The following SUN1 variants were observed in gnomAD, a reference collection of about 807,000 sequenced individuals.
SUN1 encodes SUN domain-containing protein 1.
In SUN1, 61 loss-of-function variants were observed where a neutral mutation model predicts 103.2. The ratio of observed to expected loss-of-function variants is 0.59; its 90% CI spans 0.48 to 0.73. The LOEUF (loss-of-function observed/expected upper bound fraction) is 0.73, where lower values mean the gene tolerates loss of function less well. Ranked by LOEUF, SUN1 falls within the 30% of genes least tolerant of loss-of-function variation. The pLI is 0.00. For synonymous variants in SUN1, 490 were observed against 425.7 expected, an observed-to-expected ratio of 1.15 and a Z score of -1.86; for missense variants, 1,052 against 1,034.6, an observed-to-expected ratio of 1.02 and a Z score of -0.23.
At chr7:872,247 C>T (rs761656803) in intron 17 of SUN1, among the ~76,000 whole-genome samples, 1 of 152,102 alleles carries the variant, frequency 6.6e-6, no homozygotes, top group Non-Finnish European at 1.5e-5. Context: ...AACGGGGAAT[C>T]GTGCTGACCT....
rs918223791 is a variant in SUN1, at chr7:817,901, C to G, written c.-74+1228C>G. 1.2e-3 allele frequency among the ~76,000 whole-genome samples: 187 copies of G among 152,026 alleles called. 2 individuals are homozygous for G. The highest frequency in any genetic ancestry group is 4.5e-3 in the African/African-American group (186 of 41,390). Reference sequence around the variant, plus strand: ...CTGGCTTTATAATTTTCTTGTCTTTCTCCCATTTAATGTTTGTTCTACTTT... The same window carrying G: ...CTGGCTTTATAATTTTCTTGTCTTTGTCCCATTTAATGTTTGTTCTACTTT... On this transcript the variant is annotated intron_variant, in intron 1 of 17. Transcript: ENST00000389574.
rs190213717 is a variant in SUN1, at chr7:854,955, G to A, written c.1299G>A (p.Val433=). ...TGGCCTTTCACCAAGAACATGAAGT[G>A]CGTATGTCACACTTGGAAGATATTC... is the stretch of plus-strand genomic sequence containing the variant. ...DFMAFHQEHE[V]RMSHLEDILG... The change falls in exon 11 of 19, where the codon GTG becomes GTA. Residue 433 remains valine (V), a synonymous_variant. Transcript: ENST00000401592. The A allele has an allele frequency of 6.2e-7, 1 of 1,613,890 alleles. No homozygotes were observed. The highest frequency in any genetic ancestry group is 1.3e-5 in the African/African-American group (1 of 75,000).
At chr7:823,062 G>A (rs1489115552) in intron 1 of SUN1, among the ~76,000 whole-genome samples, 1 of 152,284 alleles carries the variant, frequency 6.6e-6, no homozygotes, top group African/African-American at 2.4e-5. Flanking sequence ...GCGTAGTCAG[G>A]TAAGGAGTAG....
chr7:842,402 A>G, intron 3 of SUN1: 1 of 456,158 alleles, frequency 2.2e-6, no homozygotes. Context: ...GCTAACGTGT[A>G]GTGACTAGTT....
intron 1 of SUN1, among the ~76,000 whole-genome samples, chr7:825,863 C>A (rs777188947): frequency 6.7e-6 from 1 of 150,104 alleles, no homozygotes; most frequent in Non-Finnish European, 1.5e-5. Context: ...ATATGAAGAT[C>A]TAAGGACGAT....
At chr7:821,086 C>A (rs1583751779) in intron 1 of SUN1, among the ~76,000 whole-genome samples, 1 of 150,620 alleles carries the variant, frequency 6.6e-6, no homozygotes, top group East Asian at 1.9e-4. Flanking sequence ...ATGAAATATG[C>A]CTTTAAAAAA....
At chr7:819,698 C>T (rs1784171298) in intron 1 of SUN1, among the ~76,000 whole-genome samples, 1 of 149,010 alleles carries the variant, frequency 6.7e-6, no homozygotes. Flanking sequence ...TGTTTTTATG[C>T]CAATGCCACC....
chr7:861,535 T>G (rs1337744768), intron 15 of SUN1, 71 bp downstream of exon 15: 11 of 1,491,646 alleles, frequency 7.4e-6, no homozygotes, highest in Admixed American at 5.0e-5. Context: ...CTTGAGAGGC[T>G]GTTGCCTACC....
At chr7:855,906 T>C (rs1390542430) in intron 11 of SUN1, among the ~76,000 whole-genome samples, 1 of 152,216 alleles carries the variant, frequency 6.6e-6, no homozygotes, top group Non-Finnish European at 1.5e-5. Context: ...CCTCCTCCTC[T>C]GTCTGCCTGC....
At chr7:866,442 A>G (rs1438106808) in intron 16 of SUN1, among the ~76,000 whole-genome samples, 4 of 152,076 alleles carry the variant, frequency 2.6e-5, no homozygotes, top group African/African-American at 7.2e-5. Flanking sequence ...TTGAGAGACA[A>G]TAGGTGGGGA....
rs1033112267 is a variant in SUN1, at chr7:873,555, G to A, written c.*224G>A. 2 of 501,600 alleles carry A rather than the reference G, an allele frequency of 4.0e-6. No individual in the cohort carries two copies. The highest frequency in any genetic ancestry group is 2.9e-5 in the South Asian group (1 of 34,716). 31.1% of individuals were successfully genotyped at this position (501,600 alleles called of 1,614,324 possible). A position where few individuals can be genotyped will look rare whatever the true frequency, so the allele number is the denominator to read the frequency against. ...CAGAGGGGTCAGCAGCAGGAGAAGC[G>A]TGTTGAACACGTGGCTCTCAGACAC... On this transcript the variant is annotated 3_prime_UTR_variant, in exon 19 of 19. Transcript: ENST00000401592.
At chr7:845,935 C>A (rs1366167839) in intron 5 of SUN1, among the ~76,000 whole-genome samples, 4 of 151,956 alleles carry the variant, frequency 2.6e-5, no homozygotes, top group Non-Finnish European at 4.4e-5. Flanking sequence ...TCGTCAGCCT[C>A]CCCGGTGCTG....
At chr7:849,255 A>G (rs1819542760) in intron 5 of SUN1, among the ~76,000 whole-genome samples, 2 of 152,250 alleles carry the variant, frequency 1.3e-5, no homozygotes, top group African/African-American at 4.8e-5. Context: ...CGCCCAACCC[A>G]GAACTATTTT....
At chr7:836,045 C>T (rs1802755128) in intron 1 of SUN1, among the ~76,000 whole-genome samples, 1 of 152,270 alleles carries the variant, frequency 6.6e-6, no homozygotes, top group Non-Finnish European at 1.5e-5. Flanking sequence ...GCTTCAGAGC[C>T]TCCACGGGGC....
intron 17 of SUN1, 21 bp downstream of exon 17, chr7:869,537 C>T (rs538860165): frequency 5.0e-6 from 8 of 1,606,520 alleles, no homozygotes; most frequent in Non-Finnish European, 2.6e-6. Context: ...TTGGCCGACC[C>T]TCCTCCTCCC....
intron 1 of SUN1, among the ~76,000 whole-genome samples, chr7:836,590 C>T (rs11768850): frequency 0.41 from 61,603 of 152,026 alleles, 12,756 homozygotes; most frequent in East Asian, 0.5. Flanking sequence ...TTGTAGCTGG[C>T]GTTCCAGGTC....
At chr7:871,893 G>T (rs762841340) in intron 17 of SUN1, among the ~76,000 whole-genome samples, 23 of 152,208 alleles carry the variant, frequency 1.5e-4, no homozygotes, top group Non-Finnish European at 3.2e-4. Context: ...GCACAGTCCA[G>T]TGGCGTTAAG....
intron 5 of SUN1, chr7:848,747 T>G: frequency 2.0e-6 from 1 of 507,316 alleles, no homozygotes; most frequent in Non-Finnish European, 3.1e-6. Flanking sequence ...CTCTCCTGGC[T>G]TCCCCCTCTG....
intron 1 of SUN1, among the ~76,000 whole-genome samples, chr7:825,097 C>CA (rs1790304109): frequency 6.6e-6 from 1 of 151,658 alleles, no homozygotes; most frequent in Non-Finnish European, 1.5e-5. Context: ...CTTGCTCGGT[C>CA]ACCCAGGCTG....
Sources: gnomAD v4.1 joint callset for allele counts (sites outside exome capture counted in the v4.1 genomes callset) on GRCh38, gnomAD v4.1.1 for gene constraint, MANE v1.5 for transcripts, NCBI Gene and HGNC (gene_info 2026-07-23, HGNC 2026-07-21) for gene names.